CCK: variants seen among roughly 807,000 people sequenced by gnomAD.
CCK encodes the protein cholecystokinin triacontatriapeptide.
CCK carries 11 observed loss-of-function variants against 10.1 expected under a neutral mutation model. That is an observed-to-expected ratio of 1.09 (90% CI 0.69 to 1.81). The LOEUF (loss-of-function observed/expected upper bound fraction) is 1.81. Ranked by LOEUF, CCK falls within the 40% of genes most tolerant of loss-of-function variation. The pLI is 0.00. For missense variants in CCK, 137 were observed against 159.9 expected (o/e 0.86, Z 0.77); for synonymous variants, 83 against 71.9 (o/e 1.15, Z -0.78).
chr3:42,258,203 C>T lies in CCK; in HGVS notation c.243G>A (p.Lys81=). The T allele has an allele frequency of 6.2e-7, 1 of 1,614,090 alleles. No individual in the cohort carries two copies. The highest frequency in any genetic ancestry group is 1.3e-5 in the African/African-American group (1 of 75,026). ...GGCTGGGGTCCAGGTTCTGCAGGTT[C>T]TTAACGATGGACATTCGTCCAGAAG... The part of the protein sequence containing the change: ...KAPSGRMSIV[K]NLQNLDPSHR... Residue 81 remains lysine (K), a synonymous_variant, in exon 5 of 5, where the codon AAG becomes AAA. Transcript: ENST00000396169.
intron 3 of CCK, among the ~76,000 whole-genome samples, chr3:42,264,132 G>C (rs557707588): frequency 1.0e-4 from 15 of 144,342 alleles, no homozygotes; most frequent in Non-Finnish European, 2.0e-4. Flanking sequence ...TTAAAATGTA[G>C]GAGCAATAAA....
At chr3:42,258,849 C>G (rs1054098834) in intron 4 of CCK, among the ~76,000 whole-genome samples, 2 of 152,168 alleles carry the variant, frequency 1.3e-5, no homozygotes, top group African/African-American at 4.8e-5. Flanking sequence ...AATCCCATTA[C>G]TGGGTATATA....
In CCK at chr3:42,258,065, T is replaced by G. The variant is rs1711159465; in HGVS notation, c.*33A>C. On this transcript the variant is annotated 3_prime_UTR_variant, in exon 5 of 5. Coordinates refer to ENST00000396169, the MANE Select transcript of CCK (RefSeq NM_000729.6). ...TTCTGCCTCCTCTGGGTTGGGAGGTTGCTTCCCGTTGGGCTGATGGCGGCT... is the reference window on the plus strand; with the variant it reads ...TTCTGCCTCCTCTGGGTTGGGAGGTGGCTTCCCGTTGGGCTGATGGCGGCT... 1.9e-6 allele frequency: 3 copies of G among 1,591,724 alleles called. No individual in the cohort carries two copies. The East Asian group carries it at 6.7e-5, about 36-fold the overall frequency.
At chr3:42,259,283 T>G (rs753525916) in intron 4 of CCK, among the ~76,000 whole-genome samples, 15 of 152,136 alleles carry the variant, frequency 9.9e-5, no homozygotes, top group South Asian at 2.1e-4. Context: ...CAAACCACCA[T>G]GGCATGTGTA....
At chr3:42,263,160 G>C in intron 4 of CCK, 1 of 593,548 alleles carries the variant, frequency 1.7e-6, no homozygotes, top group Non-Finnish European at 3.0e-6. Context: ...TTAATGGCTT[G>C]GTAAAATGGT....
intron 4 of CCK, among the ~76,000 whole-genome samples, chr3:42,262,272 G>A (rs1399322425): frequency 7.3e-6 from 1 of 137,890 alleles, no homozygotes; most frequent in Non-Finnish European, 1.5e-5. Flanking sequence ...TCAGGCCAGA[G>A]TGCAATGGCA....
rs1711156760 is a variant in CCK at position 42,257,876 on chromosome 3, C to T, written c.*222G>A. 1 of 505,822 alleles carries T rather than the reference C, an allele frequency of 2.0e-6. No homozygotes were observed. Among genetic ancestry groups the T allele is most frequent in the Non-Finnish European group, 3.5e-6 (1 of 288,540 alleles). 31.3% of individuals were successfully genotyped at this position (505,822 alleles called of 1,614,324 possible). On this transcript the variant is annotated 3_prime_UTR_variant, in exon 5 of 5. Transcript: ENST00000396169. ...AACAACATTTTCAGACCAGGAGTCA[C>T]AGATGAAGAAAACATTTTGTCTTCC... is the stretch of plus-strand genomic sequence containing the variant.
chr3:42,263,566 G>C lies in CCK; in HGVS notation c.65C>G (p.Pro22Arg). The C allele has an allele frequency of 6.2e-7, 1 of 1,606,434 alleles. No individual in the cohort carries two copies. Among genetic ancestry groups the C allele is most frequent in the South Asian group, 1.1e-5 (1 of 90,570 alleles). Residue 22 changes from proline (P) to arginine (R), a missense_variant, in exon 4 of 5, where the codon CCG becomes CGG. By Grantham distance (103) the Pro-to-Arg change is moderately radical. Transcript: ENST00000396169. ...AVLAAGALTQPVPPADPAGSG... is the reference protein window; with the variant it reads ...AVLAAGALTQRVPPADPAGSG... Reference sequence around the variant, plus strand: ...GCCCGCGGGATCTGCGGGAGGCACCGGCTGCGTCAGGGCGCCAGCCGCCAG... The same window carrying C: ...GCCCGCGGGATCTGCGGGAGGCACCCGCTGCGTCAGGGCGCCAGCCGCCAG...
intron 4 of CCK, among the ~76,000 whole-genome samples, chr3:42,258,860 C>T (rs891462720): frequency 6.6e-6 from 1 of 152,086 alleles, no homozygotes; most frequent in African/African-American, 2.4e-5. Flanking sequence ...TGGGTATATA[C>T]CCAAAGGATT....
intron 4 of CCK, 21 bp downstream of exon 4, chr3:42,263,396 A>G (rs1212628631): frequency 1.4e-5 from 22 of 1,613,948 alleles, no homozygotes; most frequent in Non-Finnish European, 1.9e-5. Context: ...GAAGTGAGGG[A>G]TGGGGAGGCA....
chr3:42,263,374 G>A (rs760723548), intron 4 of CCK, 43 bp downstream of exon 4: 1 of 1,614,016 alleles, frequency 6.2e-7, no homozygotes. Flanking sequence ...CGGGAGCCTG[G>A]GAACAAGGGC....
intron 3 of CCK, 47 bp from the exon 4 acceptor site, chr3:42,263,679 A>G: frequency 1.0e-5 from 15 of 1,471,710 alleles, no homozygotes; most frequent in Non-Finnish European, 1.4e-5. Context: ...AGGCTGGGCA[A>G]CAGAGCTCCT....
chr3:42,260,741 T>G (rs1414991649), intron 4 of CCK, among the ~76,000 whole-genome samples: 2 of 152,252 alleles, frequency 1.3e-5, no homozygotes, highest in African/African-American at 4.8e-5. Context: ...GCTAGTGGGC[T>G]GCTGAATCAC....
At chr3:42,259,984 T>C (rs1465738875) in intron 4 of CCK, among the ~76,000 whole-genome samples, 1 of 152,164 alleles carries the variant, frequency 6.6e-6, no homozygotes, top group Non-Finnish European at 1.5e-5. Context: ...AGGCTGCCCT[T>C]GCCAGCTCCT....
At position 42,263,618 on chromosome 3, in the gene CCK, C is replaced by T. The variant is rs1385710999; in HGVS notation, c.13G>A (p.Val5Met). 4 of 1,596,780 alleles carry T rather than the reference C, an allele frequency of 2.5e-6. No individual in the cohort carries two copies. Among genetic ancestry groups the T allele is most frequent in the African/African-American group, 2.7e-5 (2 of 74,588 alleles). The part of the protein sequence containing the change: MNSG[V>M]CLCVLMAVLA... ...ACCGCCATCAGCACGCACAGGCACA[C>T]GCCGCTGTTCATGGCTGTAGCGAGC... Residue 5 changes from valine to methionine, a missense_variant, in exon 4 of 5, where the codon GTG (valine) becomes ATG (methionine). Physicochemically the swap from Val to Met is conservative, Grantham distance 21. Coordinates refer to ENST00000396169, the MANE Select transcript of CCK (RefSeq NM_000729.6).
chr3:42,263,260 C>A (rs1711240379), intron 4 of CCK, 157 bp downstream of exon 4: 4 of 1,107,854 alleles, frequency 3.6e-6, no homozygotes, highest in Non-Finnish European at 5.5e-6. Flanking sequence ...GTCCTCCATA[C>A]CCCTTCTCAG....
intron 4 of CCK, among the ~76,000 whole-genome samples, chr3:42,260,952 A>T (rs1246225196): frequency 6.6e-6 from 1 of 152,198 alleles, no homozygotes; most frequent in Non-Finnish European, 1.5e-5. Context: ...ATGCAACTGC[A>T]TGTAGGTTAC....
chr3:42,263,859 G>T, intron 3 of CCK: 1 of 580,390 alleles, frequency 1.7e-6, no homozygotes, highest in Non-Finnish European at 2.8e-6. Context: ...CCAGCGCCAA[G>T]GGGCAGAGAC....
chr3:42,260,319 A>G (rs1352020531), intron 4 of CCK, among the ~76,000 whole-genome samples: 4 of 152,222 alleles, frequency 2.6e-5, no homozygotes, highest in Non-Finnish European at 5.9e-5. Context: ...GTACACAGTC[A>G]CATGGAAACA....
Sources: allele counts gnomAD v4.1 joint callset (sites outside exome capture counted in the v4.1 genomes callset), GRCh38; gene constraint gnomAD v4.1.1; transcripts MANE v1.5; gene names NCBI Gene and HGNC (gene_info 2026-07-23, HGNC 2026-07-21).